The following INTS6L variants were observed in gnomAD, a reference collection of about 807,000 sequenced individuals.
The protein encoded by INTS6L is integrator complex subunit 6-like.
A neutral mutation model predicts 64.7 loss-of-function variants in INTS6L; 18 were observed. That is an observed-to-expected ratio of 0.28 (90% confidence interval 0.19 to 0.41). INTS6L has a LOEUF of 0.41. Among genes scored for constraint, INTS6L ranks in the 10% least tolerant of loss-of-function variants. The probability of loss-of-function intolerance (pLI) is 1.00; values close to 1 mark genes in which losing one functional copy is unlikely to be tolerated. For missense variants in INTS6L, 533 were observed against 661.0 expected (o/e 0.81, Z 2.12); for synonymous variants, 227 against 235.9 (o/e 0.96, Z 0.34).
In INTS6L at chrX:135,579,824, T is replaced by C. The variant is rs782304320; in HGVS notation, c.2156T>C (p.Met719Thr). The C allele has an allele frequency of 1.7e-5, 20 of 1,195,530 alleles. No individual in the cohort carries two copies. Among genetic ancestry groups the C allele is most frequent in the Admixed American group, 6.7e-5 (3 of 44,545 alleles). Residue 719 changes from methionine (M) to threonine (T), a missense_variant, in exon 16 of 18, where the codon ATG becomes ACG. Coordinates refer to ENST00000639893, the MANE Select transcript of INTS6L (RefSeq NM_001351601.3). ...TIIHDGHEEK[M>T]ENGQITPDGF... ...ATTCACGATGGCCATGAGGAGAAGA[T>C]GGAAAATGGTCAGATCACACCTGAT... is the stretch of plus-strand genomic sequence containing the variant.
chrX:135,570,248 T>A (rs782660277), intron 10 of INTS6L, 188 bp from the exon 11 acceptor site: 12 of 337,820 alleles, frequency 3.6e-5, no homozygotes, highest in Non-Finnish European at 5.5e-5. Flanking sequence ...TCTTCTGATT[T>A]TTTTTTACTT....
At position 135,545,518 on chromosome X, in the gene INTS6L, A is replaced by G; in HGVS notation, c.285A>G (p.Ser95=). ...CTCTCGGTCAGGCTCTAAGATCCTC[A>G]TTTGATTTGTTAAATCTCAATAGAT... is the stretch of plus-strand genomic sequence containing the variant. ...LTTLGQALRS[S]FDLLNLNRLI... Residue 95 remains serine, a synonymous_variant, in exon 3 of 18, where the codon TCA becomes TCG. Transcript: ENST00000639893. 8.3e-7 allele frequency: 1 copy of G among 1,210,235 alleles called. No homozygotes were observed. The highest frequency in any genetic ancestry group is 1.1e-6 in the Non-Finnish European group (1 of 894,876).
intron 8 of INTS6L, among the ~76,000 whole-genome samples, chrX:135,555,938 C>T (rs1397657983): frequency 1.7e-4 from 19 of 112,179 alleles, no homozygotes; most frequent in African/African-American, 5.8e-4. Flanking sequence ...ATCCTTCCAC[C>T]TCAGTCTCCC....
intron 9 of INTS6L, among the ~76,000 whole-genome samples, chrX:135,566,416 T>G (rs546712129): frequency 8.9e-6 from 1 of 111,808 alleles, no homozygotes; most frequent in Non-Finnish European, 1.9e-5. Flanking sequence ...TTTTGCAGTT[T>G]TAGTGGACAG....
chrX:135,540,944 T>TTG (rs1275458472), intron 2 of INTS6L, among the ~76,000 whole-genome samples: 2 of 111,406 alleles, frequency 1.8e-5, no homozygotes, highest in Non-Finnish European at 3.8e-5. Flanking sequence ...CCGGCTATTT[T>TTG]TGTGTGTGTG....
At chrX:135,521,361 A>T in intron 2 of INTS6L, 43 bp downstream of exon 2, 1 of 1,154,454 alleles carries the variant, frequency 8.7e-7, no homozygotes, top group Non-Finnish European at 1.2e-6. Context: ...AAGCGGGAGC[A>T]AGTCGGCGGG....
intron 2 of INTS6L, among the ~76,000 whole-genome samples, chrX:135,532,786 T>C (rs1473689973): frequency 8.9e-6 from 1 of 112,230 alleles, no homozygotes; most frequent in Non-Finnish European, 1.9e-5. Context: ...TAAAAATTAC[T>C]TTAGGCTGGA....
At position 135,556,165 on chromosome X, in the gene INTS6L, C is replaced by T; in HGVS notation, c.1060-3C>T. 1.7e-6 allele frequency: 2 copies of T among 1,172,688 alleles called. No homozygotes were observed. The highest frequency in any genetic ancestry group is 2.3e-6 in the Non-Finnish European group (2 of 879,332). ...ACTGTGCATTACTTCATGTTATTCT[C>T]AGGTATTTGTTACTAGCAGTGGAAA... On this transcript the variant is annotated splice_region_variant and splice_polypyrimidine_tract_variant and intron_variant, in intron 8 of 17. Coordinates refer to ENST00000639893, the MANE Select transcript of INTS6L (RefSeq NM_001351601.3).
At chrX:135,537,599 A>G (rs2086089994) in intron 2 of INTS6L, among the ~76,000 whole-genome samples, 2 of 112,149 alleles carry the variant, frequency 1.8e-5, no homozygotes, top group Admixed American at 9.4e-5. Context: ...ACAGCTAGGA[A>G]TAGACTAGGC....
At chrX:135,533,634 G>T (rs1416649413) in intron 2 of INTS6L, among the ~76,000 whole-genome samples, 3 of 110,294 alleles carry the variant, frequency 2.7e-5, no homozygotes, top group African/African-American at 9.9e-5. Context: ...TTTCCTAAAA[G>T]AATTAGTCCT....
chrX:135,562,249 A>T (rs2086810571), intron 9 of INTS6L, among the ~76,000 whole-genome samples: 2 of 111,531 alleles, frequency 1.8e-5, no homozygotes, highest in South Asian at 7.4e-4. Context: ...CCTGAGACTT[A>T]TTTGACCCAT....
intron 6 of INTS6L, among the ~76,000 whole-genome samples, chrX:135,548,995 TG>T (rs1393522794): frequency 8.9e-6 from 1 of 112,068 alleles, no homozygotes; most frequent in African/African-American, 3.2e-5. Context: ...GGAATTTTGA[TG>T]GTGGATGGAG....
intron 2 of INTS6L, among the ~76,000 whole-genome samples, chrX:135,535,736 A>G: frequency 8.9e-6 from 1 of 112,348 alleles, no homozygotes; most frequent in Non-Finnish European, 1.9e-5. Context: ...ATCTTTCAAC[A>G]AGAGAAATGA....
At chrX:135,558,318 G>A (rs782793755) in intron 9 of INTS6L, among the ~76,000 whole-genome samples, 14 of 111,286 alleles carry the variant, frequency 1.3e-4, no homozygotes, top group Admixed American at 9.5e-5. Flanking sequence ...CAAAAGAATC[G>A]AATCCAGAAT....
chrX:135,564,800 A>T (rs1356345507), intron 9 of INTS6L, among the ~76,000 whole-genome samples: 5 of 109,490 alleles, frequency 4.6e-5, no homozygotes, highest in Admixed American at 9.7e-5. Context: ...TTTCCTGTAC[A>T]TTTTCAATAT....
intron 2 of INTS6L, among the ~76,000 whole-genome samples, chrX:135,537,736 A>G (rs2086093769): frequency 8.9e-6 from 1 of 112,286 alleles, no homozygotes; most frequent in Non-Finnish European, 1.9e-5. Flanking sequence ...CTAACAAGAC[A>G]TATTTGTGAA....
At chrX:135,532,812 C>T (rs2085942010) in intron 2 of INTS6L, among the ~76,000 whole-genome samples, 1 of 112,199 alleles carries the variant, frequency 8.9e-6, no homozygotes, top group Non-Finnish European at 1.9e-5. Flanking sequence ...TGGCTCACAC[C>T]TGTAATCCCA....
chrX:135,534,915 C>G (rs2086014061), intron 2 of INTS6L, among the ~76,000 whole-genome samples: 2 of 110,570 alleles, frequency 1.8e-5, no homozygotes, highest in African/African-American at 6.6e-5. Flanking sequence ...GTGATCCTCT[C>G]TCCTCAGCCT....
chrX:135,553,765 T>C (rs1469555821), intron 8 of INTS6L, among the ~76,000 whole-genome samples: 2 of 111,878 alleles, frequency 1.8e-5, no homozygotes, highest in Non-Finnish European at 3.8e-5. Flanking sequence ...AAAATAAAGA[T>C]ATGACCTTTG....
Sources: gnomAD v4.1 joint callset for allele counts (sites outside exome capture counted in the v4.1 genomes callset) on GRCh38, gnomAD v4.1.1 for gene constraint, MANE v1.5 for transcripts, NCBI Gene and HGNC (gene_info 2026-07-23, HGNC 2026-07-21) for gene names.